PLEKHA5: variants seen among roughly 807,000 people sequenced by gnomAD.
PLEKHA5 encodes pleckstrin homology domain-containing family A member 5.
Under a neutral mutation model 181.9 loss-of-function variants are expected in PLEKHA5, and 55 were observed. The observed-to-expected ratio is 0.30, with a 90% CI of 0.24 to 0.38. PLEKHA5 has a LOEUF of 0.38. PLEKHA5 is among the 10% of genes least tolerant of loss of function. PLEKHA5 has a pLI of 1.00. For synonymous variants in PLEKHA5, 535 were observed against 529.4 expected (o/e 1.01, Z -0.15); for missense variants, 1,432 against 1,549.5 (o/e 0.92, Z 1.27).
chr12:19,258,845 G>T (rs1207223971), intron 6 of PLEKHA5, among the ~76,000 whole-genome samples: 1 of 152,094 alleles, frequency 6.6e-6, no homozygotes, highest in East Asian at 1.9e-4. Context: ...GATTACAGGC[G>T]TGAGCCACCA....
At chr12:19,347,492 A>G (rs1308075490) in intron 24 of PLEKHA5, among the ~76,000 whole-genome samples, 2 of 152,050 alleles carry the variant, frequency 1.3e-5, no homozygotes, top group Non-Finnish European at 2.9e-5. Flanking sequence ...AGGGTATTGG[A>G]GGCAAGATTA....
chr12:19,129,927 G>C, intron 1 of PLEKHA5, 39 bp downstream of exon 1: 2 of 1,552,314 alleles, frequency 1.3e-6, no homozygotes, highest in Non-Finnish European at 1.8e-6. Context: ...CGCGGGGGCG[G>C]GAGGGCAGGA....
intron 20 of PLEKHA5, among the ~76,000 whole-genome samples, chr12:19,335,221 T>TG (rs1439388556): frequency 1.3e-5 from 2 of 151,190 alleles, no homozygotes; most frequent in African/African-American, 4.9e-5. Flanking sequence ...TTCGTAGAGA[T>TG]GGGGTCTCTC....
At chr12:19,320,851 A>C (rs900047382) in intron 18 of PLEKHA5, 3 of 275,440 alleles carry the variant, frequency 1.1e-5, no homozygotes, top group Non-Finnish European at 2.0e-5. Context: ...AAATGAAAGT[A>C]AAAACTGTTT....
chr12:19,363,199 A>G (rs2095315347), intron 29 of PLEKHA5, among the ~76,000 whole-genome samples: 1 of 151,484 alleles, frequency 6.6e-6, no homozygotes, highest in Non-Finnish European at 1.5e-5. Flanking sequence ...CAATGGCGCA[A>G]TCTTGGTCCA....
At chr12:19,147,597 T>C (rs77399613) in intron 3 of PLEKHA5, among the ~76,000 whole-genome samples, 42 of 3,870 alleles carry the variant, frequency 0.011, 2 homozygotes, top group Admixed American at 0.018. Context: ...TTCTTTTTTC[T>C]TTTTTTTTTT....
chr12:19,155,228 T>G (rs1158482692), intron 3 of PLEKHA5, among the ~76,000 whole-genome samples: 1 of 152,204 alleles, frequency 6.6e-6, no homozygotes, highest in Non-Finnish European at 1.5e-5. Flanking sequence ...AATATGTTTT[T>G]ATAATATCAA....
At chr12:19,147,266 T>C (rs2039157026) in intron 3 of PLEKHA5, 1 of 152,232 alleles carries the variant, frequency 6.6e-6, no homozygotes, top group Non-Finnish European at 1.5e-5. Context: ...TATTTCTTTT[T>C]TCTATTTAAG....
At chr12:19,163,094 T>G (rs2043362938) in intron 3 of PLEKHA5, among the ~76,000 whole-genome samples, 1 of 152,176 alleles carries the variant, frequency 6.6e-6, no homozygotes, top group African/African-American at 2.4e-5. Context: ...CCTTCTCCCT[T>G]TTAAGCAGAT....
At chr12:19,271,002 G>A (rs1369278246) in intron 10 of PLEKHA5, among the ~76,000 whole-genome samples, 1 of 152,034 alleles carries the variant, frequency 6.6e-6, no homozygotes, top group Non-Finnish European at 1.5e-5. Context: ...AATTAGAGCT[G>A]GGGAAAAACT....
intron 7 of PLEKHA5, 132 bp from the exon 8 acceptor site, chr12:19,265,618 T>A (rs1230351198): frequency 1.2e-4 from 70 of 589,248 alleles, no homozygotes; most frequent in Non-Finnish European, 7.6e-5. Flanking sequence ...TAAAACCTTA[T>A]AAAGGCCTGC....
intron 16 of PLEKHA5, among the ~76,000 whole-genome samples, chr12:19,319,158 C>T (rs2089978497): frequency 6.6e-6 from 1 of 152,012 alleles, no homozygotes; most frequent in Non-Finnish European, 1.5e-5. Context: ...CAGGACACAC[C>T]TGAGGATACT....
intron 3 of PLEKHA5, among the ~76,000 whole-genome samples, chr12:19,140,257 A>G (rs1359818200): frequency 6.6e-6 from 1 of 152,336 alleles, no homozygotes; most frequent in East Asian, 1.9e-4. Context: ...CAAAAAGTCT[A>G]CTTTTTAAGT....
intron 3 of PLEKHA5, among the ~76,000 whole-genome samples, chr12:19,199,658 A>T (rs1443817370): frequency 1.3e-5 from 2 of 152,174 alleles, no homozygotes; most frequent in Admixed American, 1.3e-4. Flanking sequence ...TTGTTGAGAT[A>T]CCAAGTCCCA....
At chr12:19,190,785 A>C (rs11044447) in intron 3 of PLEKHA5, among the ~76,000 whole-genome samples, 1 of 152,148 alleles carries the variant, frequency 6.6e-6, no homozygotes, top group East Asian at 1.9e-4. Context: ...AGACTTTCCT[A>C]TTCTCAGCCC....
At chr12:19,134,258 G>A (rs1394682543) in intron 3 of PLEKHA5, among the ~76,000 whole-genome samples, 1 of 151,960 alleles carries the variant, frequency 6.6e-6, no homozygotes, top group African/African-American at 2.4e-5. Flanking sequence ...TTTTATTTGA[G>A]TGCCATGTCT....
chr12:19,200,711 G>A (rs2053990289), intron 3 of PLEKHA5: 1 of 999,732 alleles, frequency 1.0e-6, no homozygotes, highest in Non-Finnish European at 1.2e-6. Context: ...CCAAAACCAA[G>A]GAAGGAATTT....
rs1355910716 is a variant in PLEKHA5 at position 19,283,359 on chromosome 12, A to G, written c.1393A>G (p.Arg465Gly). Residue 465 changes from arginine (R) to glycine (G), a missense_variant, in exon 12 of 32, where the codon AGA (arginine) becomes GGA (glycine). Physicochemically the swap from Arg to Gly is moderately radical, Grantham distance 125. This residue lies in a region of PLEKHA5 where 1,143 missense variants were observed against 1,168.4 expected (regional missense o/e 0.98). Coordinates refer to ENST00000429027, the MANE Select transcript of PLEKHA5 (RefSeq NM_001256470.2). ...TATGGCCCGCTACCCTGAAGGTTAT[A>G]GAACACTCCCAAGAAACAGCAAGAC... ...QIMARYPEGYRTLPRNSKTRP... is the reference protein window; with the variant it reads ...QIMARYPEGYGTLPRNSKTRP... 6.2e-7 allele frequency: 1 copy of G among 1,613,936 alleles called. No individual in the cohort carries two copies.
At chr12:19,322,878 G>T (rs1226524180) in intron 20 of PLEKHA5, among the ~76,000 whole-genome samples, 1 of 151,936 alleles carries the variant, frequency 6.6e-6, no homozygotes, top group Admixed American at 6.6e-5. Flanking sequence ...TATGAGACAA[G>T]GTCTCACTCT....
Sources: gnomAD v4.1 joint callset for allele counts (sites outside exome capture counted in the v4.1 genomes callset) on GRCh38, gnomAD v4.1.1 for gene constraint, gnomAD v4.1.1 regional missense constraint, MANE v1.5 for transcripts, NCBI Gene and HGNC (gene_info 2026-07-23, HGNC 2026-07-21) for gene names.